Variants in ASB4 observed in about 807,000 individuals in gnomAD.
ASB4 encodes ankyrin repeat and SOCS box containing 4.
Under a neutral mutation model 38.6 loss-of-function variants are expected in ASB4, and 35 were observed. That is an observed-to-expected ratio of 0.91 (90% CI 0.69 to 1.20). The LOEUF is 1.20. ASB4 is among the 50% of genes most tolerant of loss of function. The probability of loss-of-function intolerance (pLI) is 0.00; values close to 1 mark genes in which losing one functional copy is unlikely to be tolerated. For synonymous variants in ASB4, 195 were observed against 201.3 expected (o/e 0.97, Z 0.26); for missense variants, 557 against 527.2 (o/e 1.06, Z -0.55).
the ASB4 span, among the ~76,000 whole-genome samples, chr7:95,549,536 A>T: frequency 6.6e-6 from 1 of 151,870 alleles, no homozygotes; most frequent in Admixed American, 6.6e-5. Context: ...TGACTTCGTG[A>T]TCCGCCCGCC....
At chr7:95,528,439 A>G (rs1790776312) in intron 3 of ASB4, 136 bp downstream of exon 3, 1 of 1,498,584 alleles carries the variant, frequency 6.7e-7, no homozygotes, top group Non-Finnish European at 8.9e-7. Flanking sequence ...ACCTTCCATT[A>G]CATACCTAAT....
chr7:95,513,293 ATGTGTG>A (rs3046862), intron 2 of ASB4, among the ~76,000 whole-genome samples: 5,328 of 89,202 alleles, frequency 0.06, 186 homozygotes, highest in East Asian at 0.13. Flanking sequence ...AGCCAATAGA[ATGTGTG>A]TGTGTGTGTG....
intron 1 of ASB4, among the ~76,000 whole-genome samples, chr7:95,495,322 C>G (rs1474816180): frequency 6.6e-6 from 1 of 152,080 alleles, no homozygotes; most frequent in Non-Finnish European, 1.5e-5. Flanking sequence ...AAATTATAAG[C>G]TTGCAACTGA....
chr7:95,550,917 C>A, the ASB4 span, among the ~76,000 whole-genome samples: 1 of 152,178 alleles, frequency 6.6e-6, no homozygotes, highest in Non-Finnish European at 1.5e-5. Context: ...GTGTCTTCAA[C>A]TTGGCCCCAG....
the ASB4 span, among the ~76,000 whole-genome samples, chr7:95,551,213 T>C: frequency 2.0e-5 from 3 of 152,148 alleles, no homozygotes; most frequent in African/African-American, 4.8e-5. Flanking sequence ...ACTCCTCACC[T>C]CGGGACATCC....
chr7:95,547,002 T>G, the ASB4 span, among the ~76,000 whole-genome samples: 1 of 152,168 alleles, frequency 6.6e-6, no homozygotes. Context: ...ACGTCCCCTT[T>G]TAAAAGCTTT....
upstream of ASB4, among the ~76,000 whole-genome samples, chr7:95,484,942 CT>C (rs1790064609): frequency 2.7e-5 from 4 of 148,698 alleles, no homozygotes; most frequent in Non-Finnish European, 5.9e-5. Context: ...CTCTCTGTTT[CT>C]ATTTACACAC....
chr7:95,545,428 G>GA, the ASB4 span, among the ~76,000 whole-genome samples: 1 of 152,004 alleles, frequency 6.6e-6, no homozygotes, highest in East Asian at 1.9e-4. Flanking sequence ...AATCTGGAAG[G>GA]AAAAAAACAA....
the ASB4 span, among the ~76,000 whole-genome samples, chr7:95,471,488 AG>A: frequency 6.6e-6 from 1 of 152,210 alleles, no homozygotes; most frequent in South Asian, 2.1e-4. Flanking sequence ...ATGTCAAAAT[AG>A]GTTTCTGTTG....
chr7:95,485,056 G>GTA (rs34952249), upstream of ASB4, among the ~76,000 whole-genome samples: 13 of 149,876 alleles, frequency 8.7e-5, no homozygotes, highest in African/African-American at 1.5e-4. Flanking sequence ...GTGTATATAT[G>GTA]TATATATATG....
chr7:95,471,322 C>T, the ASB4 span, among the ~76,000 whole-genome samples: 1 of 152,168 alleles, frequency 6.6e-6, no homozygotes, highest in Non-Finnish European at 1.5e-5. Flanking sequence ...CTCTTTCCTG[C>T]ACGCTTCCTC....
chr7:95,533,287 G>A (rs1157112321), intron 3 of ASB4, among the ~76,000 whole-genome samples: 1 of 152,134 alleles, frequency 6.6e-6, no homozygotes, highest in African/African-American at 2.4e-5. Context: ...TAGTAAAGAT[G>A]ATATTCTGAT....
At chr7:95,532,107 G>A (rs1418240850) in intron 3 of ASB4, among the ~76,000 whole-genome samples, 1 of 152,150 alleles carries the variant, frequency 6.6e-6, no homozygotes, top group Admixed American at 6.5e-5. Context: ...GCTTCAAAGT[G>A]ATTTAGAACA....
chr7:95,504,806 C>T (rs1341283777), intron 2 of ASB4, among the ~76,000 whole-genome samples: 1 of 152,134 alleles, frequency 6.6e-6, no homozygotes, highest in Admixed American at 6.6e-5. Flanking sequence ...TCTAAAAGGC[C>T]GTGTCTTCTG....
At chr7:95,523,980 G>T (rs993227093) in intron 2 of ASB4, among the ~76,000 whole-genome samples, 2 of 152,150 alleles carry the variant, frequency 1.3e-5, no homozygotes, top group Non-Finnish European at 2.9e-5. Flanking sequence ...AAATTAAATA[G>T]ACGGAAAATA....
intron 3 of ASB4, among the ~76,000 whole-genome samples, chr7:95,535,701 G>A (rs1017582811): frequency 6.6e-6 from 1 of 152,136 alleles, no homozygotes; most frequent in Admixed American, 6.5e-5. Flanking sequence ...TTTTTGGTTG[G>A]TTAATAAACT....
Position 95,497,902 on chromosome 7 carries a change from A to C in ASB4, c.487+1845A>C, listed in dbSNP as rs1391913901. 2.0e-5 allele frequency among the ~76,000 whole-genome samples: 3 copies of C among 152,228 alleles called. No homozygotes were observed. In the East Asian group the frequency reaches 5.8e-4, roughly 29 times the overall value. On this transcript the variant is annotated intron_variant, in intron 2 of 4. Transcript: ENST00000325885. ...TGCTGAGTAGTATTCCATTGTATAC[A>C]CATAACAAAATTGATCTACCCCCCA...
At chr7:95,475,783 G>A (rs1053066385), upstream of ASB4, among the ~76,000 whole-genome samples, 2 of 152,082 alleles carry the variant, frequency 1.3e-5, no homozygotes, top group African/African-American at 4.8e-5. Flanking sequence ...TATTTTTCCT[G>A]CTCATATTCT....
chr7:95,471,352 T>G, the ASB4 span, among the ~76,000 whole-genome samples: 1 of 152,214 alleles, frequency 6.6e-6, no homozygotes, highest in Non-Finnish European at 1.5e-5. Context: ...ACAATGTGAA[T>G]TCTGTTCTTG....
Sources: gnomAD v4.1 joint callset for allele counts (sites outside exome capture counted in the v4.1 genomes callset) on GRCh38, gnomAD v4.1.1 for gene constraint, MANE v1.5 for transcripts, NCBI Gene and HGNC (gene_info 2026-07-23, HGNC 2026-07-21) for gene names.